The following CELF2 variants were observed in gnomAD, a reference collection of about 807,000 sequenced individuals.
CELF2 encodes the protein CUGBP Elav-like family member 2, also known as CUG triplet repeat RNA-binding protein 2.
In CELF2, 8 loss-of-function variants were observed where a neutral mutation model predicts 62.6. That is an observed-to-expected ratio of 0.13 (90% CI 0.07 to 0.23). The LOEUF (loss-of-function observed/expected upper bound fraction) is 0.23. Ranked by LOEUF, CELF2 falls within the 10% of genes least tolerant of loss-of-function variation. CELF2 has a pLI of 1.00. For missense variants in CELF2, 333 were observed against 671.0 expected (o/e 0.50, Z 5.56); for synonymous variants, 258 against 250.0 (o/e 1.03, Z -0.30).
In CELF2 at chr10:11,190,359, GA is replaced by G. The variant is rs2076003898; in HGVS notation, c.271+24681del. Among the ~76,000 whole-genome samples, 2 of 152,058 alleles carry G rather than the reference GA, an allele frequency of 1.3e-5. 1 individual carries two copies. The highest frequency in any genetic ancestry group is 4.8e-5 in the African/African-American group (2 of 41,398). ...GAATATCTTAGGCTAAAAGTAATGG[GA>G]AAATTAAATTGTTTGCAGGATGTTT... On this transcript the variant is annotated intron_variant, in intron 2 of 12. Transcript: ENST00000633077.
At chr10:11,172,053 G>T (rs1024702239) in intron 2 of CELF2, among the ~76,000 whole-genome samples, 1 of 152,180 alleles carries the variant, frequency 6.6e-6, no homozygotes, top group African/African-American at 2.4e-5. Context: ...AATTCAAACT[G>T]CAGGAAGATG....
At chr10:11,059,357 T>A (rs371612168) in intron 1 of CELF2, among the ~76,000 whole-genome samples, 5 of 152,232 alleles carry the variant, frequency 3.3e-5, no homozygotes, top group East Asian at 3.8e-4. Context: ...CCTGATCATT[T>A]GGCCTGGTAA....
chr10:10,935,355 T>G (rs1294647647), intron 2 of CELF2: 1 of 152,222 alleles, frequency 6.6e-6, no homozygotes, highest in Non-Finnish European at 1.5e-5. Flanking sequence ...CGAGACATTG[T>G]AGCTATTCAT....
At chr10:10,648,135 T>G in the CELF2 span, among the ~76,000 whole-genome samples, 2 of 152,186 alleles carry the variant, frequency 1.3e-5, no homozygotes, top group African/African-American at 4.8e-5. Context: ...TGCAGCAATG[T>G]AAAGCAAAAA....
chr10:10,506,269 C>CGT, the CELF2 span, among the ~76,000 whole-genome samples: 27,555 of 146,498 alleles, frequency 0.19, 2,765 homozygotes, highest in Non-Finnish European at 0.24. Context: ...AGATGCACTT[C>CGT]GTGTGTGTGT....
chr10:10,855,177 A>G (rs2059631373), intron 1 of CELF2, among the ~76,000 whole-genome samples: 1 of 152,138 alleles, frequency 6.6e-6, no homozygotes, highest in East Asian at 1.9e-4. Context: ...CTCAGTGCTC[A>G]CACTGGGGGT....
At chr10:11,064,620 A>G (rs2067603417) in intron 1 of CELF2, among the ~76,000 whole-genome samples, 1 of 152,156 alleles carries the variant, frequency 6.6e-6, no homozygotes, top group Non-Finnish European at 1.5e-5. Flanking sequence ...TCTGCTTCAA[A>G]TAGAGTATAT....
the CELF2 span, among the ~76,000 whole-genome samples, chr10:10,469,699 A>G: frequency 1.3e-5 from 2 of 151,754 alleles, no homozygotes; most frequent in Admixed American, 6.6e-5. Flanking sequence ...GTTTTATGCA[A>G]TATTTTGTGT....
At chr10:10,629,932 G>C in the CELF2 span, among the ~76,000 whole-genome samples, 1 of 137,630 alleles carries the variant, frequency 7.3e-6, no homozygotes, top group East Asian at 2.3e-4. Context: ...CCTATTAGAT[G>C]TCTTGCTCCT....
At chr10:10,504,464 A>AT in the CELF2 span, among the ~76,000 whole-genome samples, 1 of 152,080 alleles carries the variant, frequency 6.6e-6, no homozygotes, top group Non-Finnish European at 1.5e-5. Context: ...GTAAGGCATC[A>AT]TTTTTACTCT....
chr10:11,241,731 GAAT>G (rs2073963172), intron 3 of CELF2, among the ~76,000 whole-genome samples: 1 of 152,100 alleles, frequency 6.6e-6, no homozygotes, highest in South Asian at 2.1e-4. Flanking sequence ...ACAGTGGCTG[GAAT>G]TAGAGTCACT....
the CELF2 span, among the ~76,000 whole-genome samples, chr10:10,716,282 A>C: frequency 1.3e-5 from 2 of 152,240 alleles, no homozygotes; most frequent in African/African-American, 2.4e-5. Context: ...ACAGTGGCTC[A>C]CGCCCATAAT....
At chr10:10,527,114 C>T in the CELF2 span, among the ~76,000 whole-genome samples, 1 of 152,180 alleles carries the variant, frequency 6.6e-6, no homozygotes, top group Non-Finnish European at 1.5e-5. Flanking sequence ...TGATGTCACA[C>T]CCTGTTTGAG....
rs562427225 is a variant in CELF2, at chr10:10,910,558, T to C, written c.54-9406T>C. Among the ~76,000 whole-genome samples, 8 of 151,850 alleles carry C rather than the reference T, an allele frequency of 5.3e-5. No individual in the cohort carries two copies. The East Asian group carries it at 1.5e-3, about 29-fold the overall frequency. On this transcript the variant is annotated intron_variant, in intron 1 of 13. Transcript: ENST00000636488. The stretch of plus-strand genomic sequence containing the variant: ...AAAAAATACAAAAATTAGCCAGGCA[T>C]GGTGGCATGCTTCTGTCATCCCAGC...
chr10:10,959,877 T>C (rs979764539), intron 2 of CELF2, among the ~76,000 whole-genome samples: 3 of 152,220 alleles, frequency 2.0e-5, no homozygotes, highest in Non-Finnish European at 4.4e-5. Flanking sequence ...CGTTACAACA[T>C]TGAATTATCG....
At chr10:10,736,884 T>C in the CELF2 span, among the ~76,000 whole-genome samples, 1 of 152,122 alleles carries the variant, frequency 6.6e-6, no homozygotes, top group African/African-American at 2.4e-5. Context: ...GATTTCCTAA[T>C]ACTGTAGGGA....
the CELF2 span, among the ~76,000 whole-genome samples, chr10:10,709,444 G>C: frequency 6.6e-6 from 1 of 152,016 alleles, no homozygotes; most frequent in Admixed American, 6.6e-5. Context: ...CGCCCACCCT[G>C]CTTTTAACTG....
chr10:10,669,752 G>A, the CELF2 span, among the ~76,000 whole-genome samples: 106 of 152,176 alleles, frequency 7.0e-4, no homozygotes, highest in Non-Finnish European at 1.2e-3. Context: ...TGATATCTTC[G>A]TTTATATTCA....
At chr10:11,022,829 T>A (rs75723483) in intron 1 of CELF2, among the ~76,000 whole-genome samples, 8,874 of 152,286 alleles carry the variant, frequency 0.058, 308 homozygotes, top group Middle Eastern at 0.14. Context: ...TAGATTATAA[T>A]GGGAATATGA....
Sources: allele counts gnomAD v4.1 joint callset (sites outside exome capture counted in the v4.1 genomes callset), GRCh38; gene constraint gnomAD v4.1.1; transcripts MANE v1.5; gene names NCBI Gene and HGNC (gene_info 2026-07-23, HGNC 2026-07-21).